The following RTP5 variants were observed in gnomAD, a reference collection of about 807,000 sequenced individuals.
RTP5 encodes receptor-transporting protein 5.
RTP5 carries 30 observed loss-of-function variants against 23.5 expected under a neutral mutation model. That is an observed-to-expected ratio of 1.27 (90% CI 0.95 to 1.73). The LOEUF (loss-of-function observed/expected upper bound fraction) is 1.73. RTP5 is among the 40% of genes most tolerant of loss of function. The probability of loss-of-function intolerance (pLI) is 0.00; values close to 1 mark genes in which losing one functional copy is unlikely to be tolerated. For synonymous variants in RTP5, 354 were observed against 342.1 expected (o/e 1.03, Z -0.38); for missense variants, 807 against 784.2 (o/e 1.03, Z -0.35).
intron 1 of RTP5, 26 bp downstream of exon 1, chr2:241,869,940 G>C (rs1208685780): frequency 2.3e-5 from 33 of 1,465,834 alleles, no homozygotes; most frequent in Non-Finnish European, 3.0e-5. Context: ...GGGGACCCTG[G>C]GAGAGGCAGG....
rs369943996 is a variant in RTP5 at position 241,872,360 on chromosome 2, C to G, written c.805C>G (p.Leu269Val). 6.2e-6 allele frequency: 10 copies of G among 1,611,114 alleles called. No individual in the cohort carries two copies. Among genetic ancestry groups the G allele is most frequent in the Non-Finnish European group, 8.5e-6 (10 of 1,179,430 alleles). ...CTTCCCGGTGGCCATTGGAGACCCC[C>G]TCTTCCACGGCCCCGGCCTCCTCGG... The part of the protein sequence containing the change: ...KGFPVAIGDP[L>V]FHGPGLLGSS... The change falls in exon 2 of 2, where the codon CTC becomes GTC. Residue 269 changes from leucine to valine, a missense_variant. Transcript: ENST00000343216.
Position 241,872,497 on chromosome 2 carries a change from C to T in RTP5, c.942C>T (p.Gly314=), listed in dbSNP as rs1701344399. ...QGWGPISLNN[G]LVPVGKHTPT... ...GGGGCCCCATCTCCCTCAACAATGG[C>T]CTCGTCCCTGTGGGGAAACACACGC... Residue 314 remains glycine (G), a synonymous_variant, in exon 2 of 2, where the codon GGC becomes GGT. Coordinates refer to ENST00000343216, the MANE Select transcript of RTP5 (RefSeq NM_173821.3). The T allele has an allele frequency of 6.3e-7, 1 of 1,591,744 alleles. No individual in the cohort carries two copies. The highest frequency in any genetic ancestry group is 8.6e-7 in the Non-Finnish European group (1 of 1,169,220).
In RTP5 at chr2:241,869,891, G is replaced by T. The variant is rs767167544; in HGVS notation, c.135G>T (p.Gln45His). The change falls in exon 1 of 2, where the codon CAG becomes CAT. Residue 45 changes from glutamine to histidine, a missense_variant. Physicochemically the swap from Gln to His is conservative, Grantham distance 24. Coordinates refer to ENST00000343216, the MANE Select transcript of RTP5 (RefSeq NM_173821.3). ...VPGCLDGGGV[Q>H]YLLVGLSRLQ... ...GATGCCTGGACGGCGGTGGTGTCCA[G>T]TACCTGCTGGTGGGGCTCTCGAGGT... The T allele has an allele frequency of 6.4e-7, 1 of 1,561,278 alleles. No homozygotes were observed. Among genetic ancestry groups the T allele is most frequent in the South Asian group, 1.2e-5 (1 of 84,764 alleles).
rs758689874 is a variant in RTP5 at position 241,873,006 on chromosome 2, G to A, written c.1451G>A (p.Arg484His). ...TTCGCAGTCTTCGATGTCATAAAGC[G>A]CAAGGGCGGTGGCCACGTTGCCTAC... ...IPFAVFDVIK[R>H]KGGGHVAYGP... Residue 484 changes from arginine to histidine, a missense_variant, in exon 2 of 2, where the codon CGC (arginine) becomes CAC (histidine). Coordinates refer to ENST00000343216, the MANE Select transcript of RTP5 (RefSeq NM_173821.3). 2.0e-5 allele frequency: 32 copies of A among 1,613,024 alleles called. No homozygotes were observed. Among genetic ancestry groups the A allele is most frequent in the Non-Finnish European group, 2.5e-5 (30 of 1,179,984 alleles).
chr2:241,872,793 TC>T lies in RTP5; in HGVS notation c.1242del (p.Ser415ProfsTer68). The T allele has an allele frequency of 6.2e-7, 1 of 1,606,826 alleles. No homozygotes were observed. Among genetic ancestry groups the T allele is most frequent in the Non-Finnish European group, 8.5e-7 (1 of 1,175,798 alleles). ...CTGCCAGAGACCAATGCTGGTGGCCTCCCCTCCCAGGTCAAGGGCTCCCTTG... is the reference window on the plus strand; with the variant it reads ...CTGCCAGAGACCAATGCTGGTGGCCTCCCTCCCAGGTCAAGGGCTCCCTTG... ...DALPETNAGG[L>X]PSQVKGSLAL... On this transcript the variant is annotated frameshift_variant, in exon 2 of 2. Coordinates refer to ENST00000343216, the MANE Select transcript of RTP5 (RefSeq NM_173821.3). LOFTEE classifies it high-confidence loss of function.
At chr2:241,870,277 C>T (rs917917533) in intron 1 of RTP5, among the ~76,000 whole-genome samples, 1 of 152,222 alleles carries the variant, frequency 6.6e-6, no homozygotes, top group Non-Finnish European at 1.5e-5. Flanking sequence ...CGTGCCGGAG[C>T]CTGTGGTCAC....
In RTP5 at chr2:241,872,139, T is replaced by C. The variant is rs751058688; in HGVS notation, c.584T>C (p.Leu195Pro). 1 of 1,610,336 alleles carries C rather than the reference T, an allele frequency of 6.2e-7. No individual in the cohort carries two copies. Among genetic ancestry groups the C allele is most frequent in the Non-Finnish European group, 8.5e-7 (1 of 1,177,970 alleles). The part of the protein sequence containing the change: ...GKPLSTPGDD[L>P]GKGGVVIAIP... ...CCGCTGTCCACCCCTGGCGACGACC[T>C]TGGCAAGGGTGGCGTTGTCATCGCC... The change falls in exon 2 of 2, where the codon CTT becomes CCT. Residue 195 changes from leucine (L) to proline (P), a missense_variant. Coordinates refer to ENST00000343216, the MANE Select transcript of RTP5 (RefSeq NM_173821.3).
intron 1 of RTP5, among the ~76,000 whole-genome samples, chr2:241,871,330 C>T (rs1460771059): frequency 6.6e-6 from 1 of 152,256 alleles, no homozygotes; most frequent in Non-Finnish European, 1.5e-5. Context: ...AGCAGAGCCA[C>T]GCAGGTGGCA....
Position 241,872,778 on chromosome 2 carries a change from C to A in RTP5, c.1223C>A (p.Thr408Asn). Residue 408 changes from threonine to asparagine, a missense_variant, in exon 2 of 2, where the codon ACC becomes AAC. Physicochemically the swap from Thr to Asn is moderately conservative, Grantham distance 65 (BLOSUM62 0). Coordinates refer to ENST00000343216, the MANE Select transcript of RTP5 (RefSeq NM_173821.3). ...VPVGHDALPE[T>N]NAGGLPSQVK... Reference sequence around the variant, plus strand: ...GTGGGTCACGACGCCCTGCCAGAGACCAATGCTGGTGGCCTCCCCTCCCAG... The same window carrying A: ...GTGGGTCACGACGCCCTGCCAGAGAACAATGCTGGTGGCCTCCCCTCCCAG... 6.2e-7 allele frequency: 1 copy of A among 1,605,346 alleles called. No individual in the cohort carries two copies. The highest frequency in any genetic ancestry group is 8.5e-7 in the Non-Finnish European group (1 of 1,174,736).
At position 241,872,980 on chromosome 2, in the gene RTP5, C is replaced by T; in HGVS notation, c.1425C>T (p.Pro475=). 2.5e-6 allele frequency: 4 copies of T among 1,613,194 alleles called. No individual in the cohort carries two copies. The highest frequency in any genetic ancestry group is 1.1e-5 in the South Asian group (1 of 91,092). The change falls in exon 2 of 2, where the codon CCC becomes CCT. Residue 475 remains proline (P), a synonymous_variant. Coordinates refer to ENST00000343216, the MANE Select transcript of RTP5 (RefSeq NM_173821.3). ...ITVSEGCITI[P]FAVFDVIKRK... is the part of the protein sequence containing the mutation. The stretch of plus-strand genomic sequence containing the variant: ...TTAGTGAGGGCTGCATCACCATCCC[C>T]TTCGCAGTCTTCGATGTCATAAAGC...
At position 241,872,992 on chromosome 2, in the gene RTP5, C is replaced by T. The variant is rs755342850; in HGVS notation, c.1437C>T (p.Phe479=). 1.1e-5 allele frequency: 17 copies of T among 1,613,058 alleles called. No homozygotes were observed. Among genetic ancestry groups the T allele is most frequent in the East Asian group, 2.2e-5 (1 of 44,890 alleles). ...GCATCACCATCCCCTTCGCAGTCTT[C>T]GATGTCATAAAGCGCAAGGGCGGTG... The part of the protein sequence containing the change: ...EGCITIPFAV[F]DVIKRKGGGH... Residue 479 remains phenylalanine, a synonymous_variant, in exon 2 of 2, where the codon TTC becomes TTT. Coordinates refer to ENST00000343216, the MANE Select transcript of RTP5 (RefSeq NM_173821.3).
At position 241,871,936 on chromosome 2, in the gene RTP5, G is replaced by C; in HGVS notation, c.381G>C (p.Gly127=). 1 of 1,589,580 alleles carries C rather than the reference G, an allele frequency of 6.3e-7. No individual in the cohort carries two copies. Among genetic ancestry groups the C allele is most frequent in the Non-Finnish European group, 8.6e-7 (1 of 1,168,176 alleles). Residue 127 remains glycine, a synonymous_variant, in exon 2 of 2, where the codon GGG becomes GGC. Transcript: ENST00000343216. ...TGCACATCCTGCAGGACTGCTACGG[G>C]GATGGCCCCGGCCCAGCCCGGCACC... ...LVLHILQDCY[G]DGPGPARHPR...
In RTP5 at chr2:241,869,927, G is replaced by C. The variant is rs114690115; in HGVS notation, c.158+13G>C. On this transcript the variant is annotated intron_variant, in intron 1 of 1. Transcript: ENST00000343216. ...TGGGGCTCTCGAGGTGCGGCCAGAG[G>C]TTGGGGACCCTGGGAGAGGCAGGGG... 11,052 of 1,500,962 alleles carry C rather than the reference G, an allele frequency of 7.4e-3. 705 individuals carry two copies. The African/African-American group carries it at 0.14, about 19-fold the overall frequency. 93.0% of individuals were successfully genotyped at this position (1,500,962 alleles called of 1,614,324 possible). A position where few individuals can be genotyped will look rare whatever the true frequency, so the allele number is the denominator to read the frequency against.
In RTP5 at chr2:241,871,963, C is replaced by CA; in HGVS notation, c.409dup (p.Arg137LysfsTer5). ...ATGGCCCCGGCCCAGCCCGGCACCC[C>CA]AGGGAGGCCTATGAGGGCTGCTGTG... On this transcript the variant is annotated frameshift_variant, in exon 2 of 2. Coordinates refer to ENST00000343216, the MANE Select transcript of RTP5 (RefSeq NM_173821.3). LOFTEE classifies it low-confidence loss of function (END_TRUNC). 6.3e-7 allele frequency: 1 copy of CA among 1,593,332 alleles called. No individual in the cohort carries two copies. The highest frequency in any genetic ancestry group is 8.5e-7 in the Non-Finnish European group (1 of 1,169,772).
rs199611710 is a variant in RTP5 at position 241,872,420 on chromosome 2, C to T, written c.865C>T (p.Leu289Phe). The change falls in exon 2 of 2, where the codon CTC becomes TTC. Residue 289 changes from leucine (L) to phenylalanine (F), a missense_variant. Transcript: ENST00000343216. ...CCAGACCTTCGAGCTCAAGGGCTTC[C>T]TCTTCAAAGGCCGGGGCTCCCTCTG... ...SIQTFELKGF[L>F]FKGRGSLCSP... is the part of the protein sequence containing the mutation. The T allele has an allele frequency of 1.7e-5, 27 of 1,611,860 alleles. No individual in the cohort carries two copies. In the African/African-American group the frequency reaches 3.1e-4, roughly 18 times the overall value.
Position 241,869,926 on chromosome 2 carries a change from G to A in RTP5, c.158+12G>A. On this transcript the variant is annotated intron_variant, in intron 1 of 1. Coordinates refer to ENST00000343216, the MANE Select transcript of RTP5 (RefSeq NM_173821.3). ...GTGGGGCTCTCGAGGTGCGGCCAGA[G>A]GTTGGGGACCCTGGGAGAGGCAGGG... is the stretch of plus-strand genomic sequence containing the variant. The A allele has an allele frequency of 6.7e-7, 1 of 1,502,634 alleles. No homozygotes were observed. The highest frequency in any genetic ancestry group is 1.3e-5 in the South Asian group (1 of 76,928). 93.1% of individuals were successfully genotyped at this position (1,502,634 alleles called of 1,614,324 possible).
chr2:241,870,817 C>T (rs1701303696), intron 1 of RTP5, among the ~76,000 whole-genome samples: 3 of 152,228 alleles, frequency 2.0e-5, no homozygotes, highest in East Asian at 1.9e-4. Flanking sequence ...GGCTTTGGCT[C>T]CTCAGTCCCA....
chr2:241,872,252 A>G lies in RTP5; in HGVS notation c.697A>G (p.Thr233Ala). The G allele has an allele frequency of 6.2e-7, 1 of 1,603,070 alleles. No individual in the cohort carries two copies. Among genetic ancestry groups the G allele is most frequent in the Non-Finnish European group, 8.5e-7 (1 of 1,173,960 alleles). ...APPAGASLPVTGSCEALVIGQ... is the reference protein window; with the variant it reads ...APPAGASLPVAGSCEALVIGQ... ...CCCTGCGGGGGCCTCTCTCCCTGTG[A>G]CTGGCAGCTGTGAGGCCCTGGTCAT... is the stretch of plus-strand genomic sequence containing the variant. The change falls in exon 2 of 2, where the codon ACT (threonine) becomes GCT (alanine). Residue 233 changes from threonine to alanine, a missense_variant. By Grantham distance (58) the Thr-to-Ala change is moderately conservative. Transcript: ENST00000343216.
rs74000572 is a variant in RTP5, at chr2:241,872,278, C to T, written c.723C>T (p.Ile241=). 4,334 of 1,597,548 alleles carry T rather than the reference C, an allele frequency of 2.7e-3. 106 individuals are homozygous for T. The African/African-American group carries it at 0.051, about 19-fold the overall frequency. The change falls in exon 2 of 2, where the codon ATC becomes ATT. Residue 241 remains isoleucine (I), a synonymous_variant. Coordinates refer to ENST00000343216, the MANE Select transcript of RTP5 (RefSeq NM_173821.3). ...CTGGCAGCTGTGAGGCCCTGGTCAT[C>T]GGCCAGGGCTCCATCTTCCTGTCTG... ...PVTGSCEALV[I]GQGSIFLSGD... is the part of the protein sequence containing the mutation.
Sources: gnomAD v4.1 joint callset for allele counts (sites outside exome capture counted in the v4.1 genomes callset) on GRCh38, gnomAD v4.1.1 for gene constraint, MANE v1.5 for transcripts, NCBI Gene and HGNC (gene_info 2026-07-23, HGNC 2026-07-21) for gene names.